NLGN4X: variants seen among roughly 807,000 people sequenced by gnomAD.
The protein encoded by NLGN4X is neuroligin 4 X-linked.
A neutral mutation model predicts 40.3 loss-of-function variants in NLGN4X; 3 were observed. The observed-to-expected ratio is 0.07, with a 90% CI of 0.03 to 0.19. The LOEUF (loss-of-function observed/expected upper bound fraction) is 0.19, where lower values mean the gene tolerates loss of function less well. NLGN4X is among the 10% of genes least tolerant of loss of function. The pLI is 1.00. For synonymous variants in NLGN4X, 270 were observed against 306.8 expected, an observed-to-expected ratio of 0.88 and a Z score of 1.25; for missense variants, 382 against 708.3, an observed-to-expected ratio of 0.54 and a Z score of 5.23.
intron 3 of NLGN4X, among the ~76,000 whole-genome samples, chrX:6,028,742 G>A (rs983731023): frequency 1.8e-5 from 2 of 111,511 alleles, no homozygotes; most frequent in Non-Finnish European, 3.8e-5. Context: ...CATGTATTTA[G>A]CCTTTAATCG....
At position 6,167,445 on chromosome X, in the gene NLGN4X, C is replaced by T. The variant is rs146825187; in HGVS notation, c.-305-15674G>A. Among the ~76,000 whole-genome samples, 626 of 112,151 alleles carry T rather than the reference C, an allele frequency of 5.6e-3. 7 individuals carry two copies. The highest frequency in any genetic ancestry group is 0.019 in the African/African-American group (585 of 30,868). ...AGCTACTTAAATATCAAGACTAAGA[C>T]GTGAAACTAAAGGAAGGTCAAAGAC... On this transcript the variant is annotated intron_variant, in intron 1 of 5. Coordinates refer to ENST00000381095, the MANE Select transcript of NLGN4X (RefSeq NM_181332.3).
intron 2 of NLGN4X, among the ~76,000 whole-genome samples, chrX:6,051,753 G>C (rs982387614): frequency 9.0e-6 from 1 of 110,651 alleles, no homozygotes; most frequent in Non-Finnish European, 1.9e-5. Flanking sequence ...AGAAACCCTA[G>C]GAAGTTTATA....
At chrX:5,896,962 T>G (rs1028339127) in intron 5 of NLGN4X, among the ~76,000 whole-genome samples, 3 of 111,705 alleles carry the variant, frequency 2.7e-5, no homozygotes, top group Non-Finnish European at 5.6e-5. Flanking sequence ...ACTTCTTTTT[T>G]TTCCCAAAGA....
chrX:6,019,926 A>T (rs1018889297), intron 3 of NLGN4X, among the ~76,000 whole-genome samples: 1 of 112,411 alleles, frequency 8.9e-6, no homozygotes, highest in Non-Finnish European at 1.9e-5. Flanking sequence ...ATTAACTGGG[A>T]ATTATATATT....
chrX:6,139,804 T>G (rs2039903497), intron 2 of NLGN4X, among the ~76,000 whole-genome samples: 2 of 111,777 alleles, frequency 1.8e-5, no homozygotes, highest in African/African-American at 6.5e-5. Context: ...CCACTTAGAC[T>G]CACCCAAGGC....
chrX:6,208,368 T>A (rs1924226286), intron 1 of NLGN4X, among the ~76,000 whole-genome samples: 1 of 112,480 alleles, frequency 8.9e-6, no homozygotes, highest in Non-Finnish European at 1.9e-5. Context: ...AGCTCTCACT[T>A]ATATAAATCA....
chrX:5,892,906 C>G lies in NLGN4X; in HGVS notation c.2362G>C (p.Gly788Arg), dbSNP rs1487321017. Residue 788 changes from glycine (G) to arginine (R), a missense_variant, in exon 6 of 6, where the codon GGG becomes CGG. Physicochemically the swap from Gly to Arg is moderately radical, Grantham distance 125. Around this residue, in one of 5 missense-constraint regions of NLGN4X, gnomAD observed 57 missense variants for 65.6 expected, o/e 0.87. Transcript: ENST00000381095. Reference sequence around the variant, plus strand: ...TTAAAAGTGTGCAAAGGCTGCATCCCCGTCAGTGTGTTTGGAATCATGGTG... The same window carrying G: ...TTAAAAGTGTGCAAAGGCTGCATCCGCGTCAGTGTGTTTGGAATCATGGTG... The part of the protein sequence containing the change: ...TITMIPNTLT[G>R]MQPLHTFNTF... 1.7e-6 allele frequency: 2 copies of G among 1,211,268 alleles called. No homozygotes were observed. Among genetic ancestry groups the G allele is most frequent in the South Asian group, 3.5e-5 (2 of 56,949 alleles).
intron 3 of NLGN4X, among the ~76,000 whole-genome samples, chrX:5,944,353 T>C (rs371489726): frequency 9.0e-6 from 1 of 110,673 alleles, no homozygotes; most frequent in African/African-American, 3.3e-5. Flanking sequence ...AATTAGAAGA[T>C]ACCCAAATTA....
chrX:6,123,784 T>C (rs1277973636), intron 2 of NLGN4X, among the ~76,000 whole-genome samples: 6 of 88,283 alleles, frequency 6.8e-5, no homozygotes, highest in African/African-American at 2.5e-4. Flanking sequence ...AATATAATAA[T>C]AAGGTCAGTA....
chrX:5,903,177 T>C lies in NLGN4X; in HGVS notation c.1501A>G (p.Met501Val). 1.7e-6 allele frequency: 2 copies of C among 1,211,590 alleles called. No homozygotes were observed. The highest frequency in any genetic ancestry group is 3.0e-5 in the East Asian group (1 of 33,798). ...CTGAAGAGCTCGGTGGGACCGATCA[T>C]GGGGATGCCGAAGACATAGGGGACC... ...DEVPYVFGIP[M>V]IGPTELFSCN... Residue 501 changes from methionine to valine, a missense_variant, in exon 5 of 6, where the codon ATG becomes GTG. Around this residue, in one of 5 missense-constraint regions of NLGN4X, gnomAD observed 149 missense variants for 375.8 expected, o/e 0.40. Coordinates refer to ENST00000381095, the MANE Select transcript of NLGN4X (RefSeq NM_181332.3).
At position 5,890,977 on chromosome X, in the gene NLGN4X, G is replaced by T; in HGVS notation, c.*1840C>A. ...TGGGGAATGTCCACTTTAGCGGAGAGATTTAAGACTGGATTTCTAGAATAA... is the reference window on the plus strand; with the variant it reads ...TGGGGAATGTCCACTTTAGCGGAGATATTTAAGACTGGATTTCTAGAATAA... On this transcript the variant is annotated 3_prime_UTR_variant, in exon 6 of 6. Coordinates refer to ENST00000381095, the MANE Select transcript of NLGN4X (RefSeq NM_181332.3). The T allele has an allele frequency of 3.3e-6, 1 of 306,801 alleles. No homozygotes were observed. The highest frequency in any genetic ancestry group is 6.2e-6 in the Non-Finnish European group (1 of 162,030). 25.3% of individuals were successfully genotyped at this position (306,801 alleles called of 1,213,427 possible). A position where few individuals can be genotyped will look rare whatever the true frequency, so the allele number is the denominator to read the frequency against.
intron 3 of NLGN4X, among the ~76,000 whole-genome samples, chrX:5,925,851 C>CATATAT (rs774766613): frequency 2.7e-5 from 1 of 36,400 alleles, no homozygotes; most frequent in Non-Finnish European, 4.8e-5. Context: ...TATACATACA[C>CATATAT]ATATATATAT....
chrX:6,141,220 C>T (rs2039941758), intron 2 of NLGN4X, among the ~76,000 whole-genome samples: 1 of 111,378 alleles, frequency 9.0e-6, no homozygotes, highest in South Asian at 3.8e-4. Flanking sequence ...GTTAAACTAA[C>T]TCATTATGAA....
chrX:6,060,340 G>C (rs1189129223), intron 2 of NLGN4X, among the ~76,000 whole-genome samples: 1 of 111,368 alleles, frequency 9.0e-6, no homozygotes, highest in Non-Finnish European at 1.9e-5. Context: ...CGATCCTTTA[G>C]ACACCCTCAA....
At chrX:6,104,371 T>C (rs1160209145) in intron 2 of NLGN4X, among the ~76,000 whole-genome samples, 3 of 112,395 alleles carry the variant, frequency 2.7e-5, no homozygotes, top group Non-Finnish European at 5.6e-5. Context: ...TGATGAAATA[T>C]GTTATCAACT....
In NLGN4X at chrX:5,987,009, G is replaced by C. The variant is rs1388766077; in HGVS notation, c.625+42271C>G. 4.5e-5 allele frequency among the ~76,000 whole-genome samples: 5 copies of C among 111,443 alleles called. No homozygotes were observed. The Admixed American group carries it at 4.8e-4, about 11-fold the overall frequency. ...GAAAACCAATGCTTGTGAGAAAGGA[G>C]GGTGCCTGAAAAAGAATGTTAATAA... On this transcript the variant is annotated intron_variant, in intron 3 of 5. Transcript: ENST00000381095.
At chrX:6,223,385 G>A (rs910164179) in intron 1 of NLGN4X, among the ~76,000 whole-genome samples, 3 of 111,486 alleles carry the variant, frequency 2.7e-5, no homozygotes, top group Non-Finnish European at 3.8e-5. Flanking sequence ...TTCCACTCCC[G>A]TAATGATTTT....
intron 2 of NLGN4X, among the ~76,000 whole-genome samples, chrX:6,137,235 C>T (rs1374629927): frequency 8.9e-6 from 1 of 111,791 alleles, no homozygotes; most frequent in Non-Finnish European, 1.9e-5. Context: ...TCAACGTTTG[C>T]TTCCATCCTC....
intron 2 of NLGN4X, among the ~76,000 whole-genome samples, chrX:6,113,136 T>C (rs1022004076): frequency 1.8e-5 from 2 of 110,507 alleles, no homozygotes; most frequent in Non-Finnish European, 3.8e-5. Context: ...CTAAATGTAA[T>C]GTGGGATCCT....
Sources: allele counts gnomAD v4.1 joint callset (sites outside exome capture counted in the v4.1 genomes callset), GRCh38; gene constraint gnomAD v4.1.1; regional missense constraint gnomAD v4.1.1; transcripts MANE v1.5; gene names NCBI Gene and HGNC (gene_info 2026-07-23, HGNC 2026-07-21).